Variants in CYP3A43 observed in about 807,000 individuals in gnomAD.
CYP3A43 encodes the protein cytochrome P450 3A43.
A neutral mutation model predicts 58.0 loss-of-function variants in CYP3A43; 45 were observed. The observed-to-expected ratio is 0.78, with a 90% CI of 0.61 to 0.99. The LOEUF (loss-of-function observed/expected upper bound fraction) is 0.99. Ranked by LOEUF, CYP3A43 falls within the 50% of genes least tolerant of loss-of-function variation. CYP3A43 has a pLI of 0.00. For synonymous variants in CYP3A43, 191 were observed against 201.4 expected (o/e 0.95, Z 0.44); for missense variants, 593 against 591.9 (o/e 1.00, Z -0.02).
rs777879810 is a variant in CYP3A43 at position 99,828,101 on chromosome 7, A to G, written c.-15A>G. 77 of 1,612,464 alleles carry G rather than the reference A, an allele frequency of 4.8e-5. No homozygotes were observed. Among genetic ancestry groups the G allele is most frequent in the Non-Finnish European group, 6.3e-5 (74 of 1,179,116 alleles). ...AGAAAAACTCAGAAGACAGAGCTGAAAAAGAAAACTGGTGATGGATCTCAT... is the reference window on the plus strand; with the variant it reads ...AGAAAAACTCAGAAGACAGAGCTGAGAAAGAAAACTGGTGATGGATCTCAT... On this transcript the variant is annotated 5_prime_UTR_variant, in exon 1 of 13. Transcript: ENST00000354829.
intron 3 of CYP3A43, among the ~76,000 whole-genome samples, chr7:99,839,737 C>G (rs1032341151): frequency 6.6e-6 from 1 of 152,078 alleles, no homozygotes; most frequent in East Asian, 1.9e-4. Flanking sequence ...TTCTGACCTG[C>G]GGTAAAGTGC....
chr7:99,834,208 T>C (rs966430266), intron 1 of CYP3A43, among the ~76,000 whole-genome samples: 2 of 152,210 alleles, frequency 1.3e-5, no homozygotes, highest in African/African-American at 2.4e-5. Flanking sequence ...TTATTGGTTA[T>C]AATTTCAAGG....
intron 7 of CYP3A43, among the ~76,000 whole-genome samples, chr7:99,855,333 G>A (rs1452757907): frequency 6.6e-6 from 1 of 152,118 alleles, no homozygotes; most frequent in Non-Finnish European, 1.5e-5. Flanking sequence ...TGTTCCTTTG[G>A]TCACTCTGAA....
intron 1 of CYP3A43, among the ~76,000 whole-genome samples, chr7:99,834,014 A>G (rs941341523): frequency 1.3e-5 from 2 of 152,224 alleles, no homozygotes; most frequent in African/African-American, 2.4e-5. Flanking sequence ...TGCACATTCT[A>G]GCTGTGATTT....
intron 1 of CYP3A43, among the ~76,000 whole-genome samples, chr7:99,834,198 T>G (rs1214276890): frequency 2.0e-5 from 3 of 152,174 alleles, no homozygotes; most frequent in African/African-American, 7.2e-5. Flanking sequence ...CCTTGATGTT[T>G]TATTGGTTAT....
At chr7:99,840,938 G>A (rs1817306849) in intron 3 of CYP3A43, among the ~76,000 whole-genome samples, 1 of 152,154 alleles carries the variant, frequency 6.6e-6, no homozygotes, top group Non-Finnish European at 1.5e-5. Flanking sequence ...CATGTGCTGA[G>A]GTCTGGGAGC....
intron 6 of CYP3A43, 35 bp from the exon 7 acceptor site, chr7:99,849,511 G>T: frequency 6.4e-7 from 1 of 1,570,968 alleles, no homozygotes; most frequent in Non-Finnish European, 8.6e-7. Flanking sequence ...GTAAAGAGGT[G>T]CTGGTTTTAA....
chr7:99,863,798 CTGTAGGA>C (rs1194295243), intron 12 of CYP3A43, 99 bp downstream of exon 12: 8 of 1,034,974 alleles, frequency 7.7e-6, no homozygotes, highest in Non-Finnish European at 1.1e-5. Flanking sequence ...ATAATTTGCT[CTGTAGGA>C]CAAAGAATCT....
chr7:99,853,739 T>G (rs763468685), intron 7 of CYP3A43, among the ~76,000 whole-genome samples: 41 of 152,210 alleles, frequency 2.7e-4, no homozygotes, highest in Non-Finnish European at 5.0e-4. Flanking sequence ...GTATTTTTAG[T>G]AAAGACAAGG....
intron 7 of CYP3A43, among the ~76,000 whole-genome samples, chr7:99,853,595 C>T (rs560095059): frequency 2.6e-5 from 4 of 152,070 alleles, no homozygotes; most frequent in African/African-American, 7.2e-5. Flanking sequence ...TTGCTCTTGC[C>T]GCTCAGGCTG....
intron 1 of CYP3A43, among the ~76,000 whole-genome samples, chr7:99,835,682 T>C (rs568674580): frequency 7.2e-5 from 11 of 152,332 alleles, no homozygotes; most frequent in African/African-American, 2.6e-4. Context: ...ACATTCATAG[T>C]AGTTATGGTA....
Position 99,828,039 on chromosome 7 carries a change from A to C in CYP3A43, c.-77A>C, listed in dbSNP as rs540844577. On this transcript the variant is annotated 5_prime_UTR_variant, in exon 1 of 13. Transcript: ENST00000354829. ...CCTCTGGGCAGAGAAACAAAGCTCT[A>C]TATGCACAGCCCAGCAAAGAGCAGC... The C allele has an allele frequency of 1.6e-6, 2 of 1,215,242 alleles. No individual in the cohort carries two copies. The highest frequency in any genetic ancestry group is 2.4e-6 in the Non-Finnish European group (2 of 841,476). The allele number at this position is 1,215,242 out of a possible 1,614,324, so 75.3% of individuals were successfully genotyped here. A position where few individuals can be genotyped will look rare whatever the true frequency, so the allele number is the denominator to read the frequency against.
At position 99,861,735 on chromosome 7, in the gene CYP3A43, C is replaced by G. The variant is rs1217782184; in HGVS notation, c.1149C>G (p.Ile383Met). The change falls in exon 11 of 13, where the codon ATC becomes ATG. Residue 383 changes from isoleucine (I) to methionine (M), a missense_variant. Coordinates refer to ENST00000354829, the MANE Select transcript of CYP3A43 (RefSeq NM_057095.3). ...VTRVCKKDIE[I>M]NGVFIPKGLA... ...GAGTCTGCAAGAAAGATATTGAAAT[C>G]AATGGAGTGTTCATTCCCAAAGGGT... 2 of 1,614,032 alleles carry G rather than the reference C, an allele frequency of 1.2e-6. No homozygotes were observed. Among genetic ancestry groups the G allele is most frequent in the Non-Finnish European group, 1.7e-6 (2 of 1,180,026 alleles).
chr7:99,865,834 C>CT, intron 12 of CYP3A43, 72 bp from the exon 13 acceptor site: 1 of 1,136,538 alleles, frequency 8.8e-7, no homozygotes, highest in Non-Finnish European at 1.2e-6. Context: ...TTGATGTCAT[C>CT]TTTTTTATTT....
intron 2 of CYP3A43, among the ~76,000 whole-genome samples, chr7:99,837,386 G>GTGAATAGGATAATAGCACATA (rs2151593976): frequency 6.6e-6 from 1 of 151,516 alleles, no homozygotes; most frequent in African/African-American, 2.4e-5. Flanking sequence ...GCTATTTACC[G>GTGAATAGGATAATAGCACATA]CTGGATAATT....
chr7:99,847,688 G>A lies in CYP3A43; in HGVS notation c.432+87G>A, dbSNP rs188481259. 3.0e-5 allele frequency: 47 copies of A among 1,580,718 alleles called. No individual in the cohort carries two copies. The Admixed American group carries it at 5.0e-4, about 17-fold the overall frequency. On this transcript the variant is annotated intron_variant, in intron 5 of 12. Coordinates refer to ENST00000354829, the MANE Select transcript of CYP3A43 (RefSeq NM_057095.3). Reference sequence around the variant, plus strand: ...AGTATCATCATAGTTCCTTTCTAATGGGTAGTCCACTGAGTTTGAGCTTTC... The same window carrying A: ...AGTATCATCATAGTTCCTTTCTAATAGGTAGTCCACTGAGTTTGAGCTTTC...
At chr7:99,861,976 T>G in intron 11 of CYP3A43, 137 bp downstream of exon 11, 1 of 728,116 alleles carries the variant, frequency 1.4e-6, no homozygotes, top group Non-Finnish European at 2.2e-6. Flanking sequence ...ATGATAACTG[T>G]TAAACTTTAC....
chr7:99,834,258 G>C (rs1477142186), intron 1 of CYP3A43, among the ~76,000 whole-genome samples: 2 of 152,022 alleles, frequency 1.3e-5, no homozygotes, highest in Non-Finnish European at 2.9e-5. Context: ...CATATAGATG[G>C]GGGTACGGTA....
intron 7 of CYP3A43, 34 bp from the exon 8 acceptor site, chr7:99,855,557 T>C: frequency 6.3e-7 from 1 of 1,575,592 alleles, no homozygotes; most frequent in Non-Finnish European, 8.6e-7. Context: ...TCACTATGAT[T>C]TATTTTTTCT....
Sources: gnomAD v4.1 joint callset for allele counts (sites outside exome capture counted in the v4.1 genomes callset) on GRCh38, gnomAD v4.1.1 for gene constraint, MANE v1.5 for transcripts, NCBI Gene and HGNC (gene_info 2026-07-23, HGNC 2026-07-21) for gene names.